The following GRM7 variants were observed in gnomAD, a reference collection of about 807,000 sequenced individuals.
GRM7 encodes the protein glutamate metabotropic receptor 7.
Under a neutral mutation model 84.5 loss-of-function variants are expected in GRM7, and 35 were observed. That is an observed-to-expected ratio of 0.41 (90% CI 0.32 to 0.55). GRM7 has a LOEUF of 0.55. Ranked by LOEUF, GRM7 falls within the 20% of genes least tolerant of loss-of-function variation. The probability of loss-of-function intolerance (pLI) is 0.19; values close to 1 mark genes in which losing one functional copy is unlikely to be tolerated. For synonymous variants in GRM7, 487 were observed against 455.1 expected, an observed-to-expected ratio of 1.07 and a Z score of -0.89; for missense variants, 1,003 against 1,194.6, an observed-to-expected ratio of 0.84 and a Z score of 2.36.
chr3:7,101,983 C>T (rs1252005246), intron 1 of GRM7, among the ~76,000 whole-genome samples: 1 of 151,142 alleles, frequency 6.6e-6, no homozygotes, highest in Non-Finnish European at 1.5e-5. Context: ...TTAATTTATT[C>T]CTGTCCTTTG....
At chr3:7,392,098 G>T (rs1695026462) in intron 4 of GRM7, among the ~76,000 whole-genome samples, 1 of 152,248 alleles carries the variant, frequency 6.6e-6, no homozygotes, top group Admixed American at 6.5e-5. Context: ...CCCCTCCTTT[G>T]GTGTGGTTTG....
intron 4 of GRM7, among the ~76,000 whole-genome samples, chr3:7,393,654 A>G (rs919050946): frequency 6.6e-6 from 1 of 152,212 alleles, no homozygotes; most frequent in Non-Finnish European, 1.5e-5. Flanking sequence ...ACTTGCTTGT[A>G]GTCAGCCATC....
At chr3:7,046,431 A>C (rs1027111473) in intron 1 of GRM7, among the ~76,000 whole-genome samples, 1 of 152,170 alleles carries the variant, frequency 6.6e-6, no homozygotes, top group Non-Finnish European at 1.5e-5. Flanking sequence ...GGAAAACCAC[A>C]TAAAGTTGTT....
chr3:7,451,591 T>A (rs1248403297), intron 5 of GRM7, among the ~76,000 whole-genome samples: 4 of 152,040 alleles, frequency 2.6e-5, no homozygotes, highest in African/African-American at 9.7e-5. Flanking sequence ...AATGTGGGCT[T>A]TGGGGTCTGA....
At chr3:7,166,574 G>T (rs1174123758) in intron 2 of GRM7, among the ~76,000 whole-genome samples, 2 of 152,184 alleles carry the variant, frequency 1.3e-5, no homozygotes, top group African/African-American at 4.8e-5. Flanking sequence ...TTCCAAGACA[G>T]CCTGAAGTGT....
intron 1 of GRM7, among the ~76,000 whole-genome samples, chr3:6,950,250 C>G (rs974772055): frequency 2.7e-5 from 4 of 150,936 alleles, no homozygotes; most frequent in Non-Finnish European, 5.9e-5. Context: ...GATGTCCTTT[C>G]TGTTTGTTAG....
intron 3 of GRM7, among the ~76,000 whole-genome samples, chr3:7,300,646 A>G (rs1699966282): frequency 6.6e-6 from 1 of 151,994 alleles, no homozygotes; most frequent in African/African-American, 2.4e-5. Context: ...CCAATTCTGC[A>G]TGCATTCTTT....
chr3:7,607,759 G>A (rs1330820718), intron 8 of GRM7: 2 of 117,722 alleles, frequency 1.7e-5, no homozygotes, highest in Non-Finnish European at 1.8e-5. Flanking sequence ...TTAGGTTTGG[G>A]GGTATATGTG....
intron 8 of GRM7, among the ~76,000 whole-genome samples, chr3:7,603,943 G>C (rs191814285): frequency 6.6e-6 from 1 of 152,184 alleles, no homozygotes; most frequent in Non-Finnish European, 1.5e-5. Context: ...AGACACAAAA[G>C]TTGGCTTTTG....
chr3:6,924,707 T>C (rs1481912259), intron 1 of GRM7, among the ~76,000 whole-genome samples: 1 of 151,796 alleles, frequency 6.6e-6, no homozygotes, highest in African/African-American at 2.4e-5. Flanking sequence ...TATAGATATA[T>C]ATAAACACTG....
At chr3:7,396,201 C>T (rs1307572319) in intron 4 of GRM7, among the ~76,000 whole-genome samples, 4 of 152,000 alleles carry the variant, frequency 2.6e-5, no homozygotes, top group Admixed American at 2.6e-4. Context: ...CAAAAAATTT[C>T]CCAGTAAGAA....
intron 7 of GRM7, among the ~76,000 whole-genome samples, chr3:7,571,150 A>T (rs1424998826): frequency 6.6e-6 from 1 of 152,166 alleles, no homozygotes; most frequent in Non-Finnish European, 1.5e-5. Context: ...GTCTGCCAAG[A>T]AGACCTCTGA....
intron 2 of GRM7, among the ~76,000 whole-genome samples, chr3:7,190,197 G>C (rs557539444): frequency 2.1e-4 from 32 of 152,254 alleles, no homozygotes; most frequent in African/African-American, 7.0e-4. Context: ...TCCTCTCTCT[G>C]TGCTTTCTTA....
intron 7 of GRM7, among the ~76,000 whole-genome samples, chr3:7,531,930 G>T (rs1042844551): frequency 6.6e-6 from 1 of 152,116 alleles, no homozygotes; most frequent in Admixed American, 6.6e-5. Flanking sequence ...GTATGTTATT[G>T]TCCATGGGTT....
At chr3:6,985,347 C>T (rs960997406) in intron 1 of GRM7, among the ~76,000 whole-genome samples, 4 of 152,084 alleles carry the variant, frequency 2.6e-5, no homozygotes, top group South Asian at 2.1e-4. Context: ...TAACCATCTT[C>T]ACCCACCCTC....
intron 5 of GRM7, among the ~76,000 whole-genome samples, chr3:7,442,138 T>C (rs1697314042): frequency 6.6e-6 from 1 of 152,164 alleles, no homozygotes; most frequent in Admixed American, 6.6e-5. Flanking sequence ...TCTGTTTGTT[T>C]GTGTCATCTC....
At chr3:7,465,735 A>T (rs1000542478) in intron 7 of GRM7, among the ~76,000 whole-genome samples, 1 of 152,066 alleles carries the variant, frequency 6.6e-6, no homozygotes, top group Non-Finnish European at 1.5e-5. Flanking sequence ...ATCTCAAGCA[A>T]ATGAAATTTT....
chr3:7,432,309 G>A (rs765544690), intron 5 of GRM7, among the ~76,000 whole-genome samples: 14 of 152,096 alleles, frequency 9.2e-5, no homozygotes, highest in Non-Finnish European at 1.3e-4. Flanking sequence ...GTAAACCAAG[G>A]CATCTAGTTG....
At chr3:7,465,753 G>A (rs1450091) in intron 7 of GRM7, among the ~76,000 whole-genome samples, 52,996 of 151,836 alleles carry the variant, frequency 0.35, 10,718 homozygotes, top group Non-Finnish European at 0.47. Flanking sequence ...TTTCGAGGGC[G>A]GCTTTCTCTG....
Sources: gnomAD v4.1 joint callset for allele counts (sites outside exome capture counted in the v4.1 genomes callset) on GRCh38, gnomAD v4.1.1 for gene constraint, MANE v1.5 for transcripts, NCBI Gene and HGNC (gene_info 2026-07-23, HGNC 2026-07-21) for gene names.